CPQ: variants seen among roughly 807,000 people sequenced by gnomAD.
The protein encoded by CPQ is carboxypeptidase Q, also known as Ser-Met dipeptidase.
A neutral mutation model predicts 45.7 loss-of-function variants in CPQ; 37 were observed. The ratio of observed to expected loss-of-function variants is 0.81; its 90% CI spans 0.62 to 1.07. CPQ has a LOEUF of 1.07. Ranked by LOEUF, CPQ falls within the 50% of genes least tolerant of loss-of-function variation. CPQ has a pLI of 0.00. For missense variants in CPQ, 537 were observed against 572.9 expected, an observed-to-expected ratio of 0.94 and a Z score of 0.64; for synonymous variants, 186 against 205.8, an observed-to-expected ratio of 0.90 and a Z score of 0.82.
rs5893403 is a variant in CPQ at position 96,965,372 on chromosome 8, CTTT to C, written c.850-546_850-544del. On this transcript the variant is annotated intron_variant, in intron 4 of 7. Coordinates refer to ENST00000220763, the MANE Select transcript of CPQ (RefSeq NM_016134.4). Reference sequence around the variant, plus strand: ...TGTCAGTAATAAGCCAATTTCTTTTCTTTTTTTTTTTTTTTTTTTGAGATGGAG... The same window carrying C: ...TGTCAGTAATAAGCCAATTTCTTTTCTTTTTTTTTTTTTTTTGAGATGGAG... Among the ~76,000 whole-genome samples, 255 of 80,582 alleles carry C rather than the reference CTTT, an allele frequency of 3.2e-3. 2 individuals carry two copies. The highest frequency in any genetic ancestry group is 0.011 in the African/African-American group (233 of 21,936). 52.9% of individuals were successfully genotyped at this position (80,582 alleles called of 152,430 possible).
At position 96,767,578 on chromosome 8, in the gene CPQ, G is replaced by C. The variant is rs148292156; in HGVS notation, c.-34-17286G>C. 2.9e-3 allele frequency among the ~76,000 whole-genome samples: 397 copies of C among 136,726 alleles called. 4 individuals are homozygous for C. Among genetic ancestry groups the C allele is most frequent in the African/African-American group, 0.01 (373 of 36,378 alleles). The allele number at this position is 136,726 out of a possible 152,430, so 89.7% of individuals were successfully genotyped here. A position where few individuals can be genotyped will look rare whatever the true frequency, so the allele number is the denominator to read the frequency against. ...AATATGATGCTCTTTTTAACAATTA[G>C]TCTTTGGATATAGAAGTTGCTGATG... On this transcript the variant is annotated intron_variant, in intron 1 of 7. Coordinates refer to ENST00000220763, the MANE Select transcript of CPQ (RefSeq NM_016134.4).
chr8:97,098,469 A>C (rs1438869894), intron 7 of CPQ, among the ~76,000 whole-genome samples: 3 of 152,210 alleles, frequency 2.0e-5, no homozygotes, highest in Non-Finnish European at 4.4e-5. Flanking sequence ...TCTCAGCAGA[A>C]GCCCTGCTGG....
intron 3 of CPQ, among the ~76,000 whole-genome samples, chr8:96,856,534 A>C (rs966921075): frequency 6.6e-6 from 1 of 152,214 alleles, no homozygotes; most frequent in Non-Finnish European, 1.5e-5. Flanking sequence ...GAGAGAAGGA[A>C]TCTTGCTTAT....
chr8:96,671,870 A>G (rs1259156524), intron 1 of CPQ, among the ~76,000 whole-genome samples: 3 of 152,148 alleles, frequency 2.0e-5, no homozygotes, highest in Non-Finnish European at 2.9e-5. Flanking sequence ...TTTTGATGAG[A>G]AAATTGAAAA....
intron 4 of CPQ, among the ~76,000 whole-genome samples, chr8:96,945,426 G>T (rs1296623836): frequency 6.6e-6 from 1 of 152,098 alleles, no homozygotes; most frequent in Non-Finnish European, 1.5e-5. Flanking sequence ...ATGTGCTTCA[G>T]GGCTGTCTGT....
intron 5 of CPQ, among the ~76,000 whole-genome samples, chr8:96,970,565 CTT>C (rs34088987): frequency 1.3e-4 from 19 of 142,220 alleles, no homozygotes; most frequent in Admixed American, 1.4e-4. Context: ...GCCCAACACT[CTT>C]TTTTTTTTTT....
chr8:96,730,345 C>A (rs115182111), intron 1 of CPQ, among the ~76,000 whole-genome samples: 1,746 of 152,246 alleles, frequency 0.011, 39 homozygotes, highest in African/African-American at 0.038. Flanking sequence ...TCTTAGTGGT[C>A]TGACATTTTG....
At chr8:96,917,084 G>A (rs2130908317) in intron 4 of CPQ, among the ~76,000 whole-genome samples, 2 of 151,906 alleles carry the variant, frequency 1.3e-5, no homozygotes, top group Middle Eastern at 6.8e-3. Context: ...TACACTGTGT[G>A]TAGCCCACAC....
chr8:97,103,727 A>G (rs766514165), intron 7 of CPQ, among the ~76,000 whole-genome samples: 1 of 152,202 alleles, frequency 6.6e-6, no homozygotes, highest in Admixed American at 6.5e-5. Flanking sequence ...CAGAGAATGG[A>G]AAGAAGCTAA....
Position 96,917,238 on chromosome 8 carries a change from C to G in CPQ, c.849+37233C>G, listed in dbSNP as rs1812745549. 2.0e-5 allele frequency among the ~76,000 whole-genome samples: 3 copies of G among 152,148 alleles called. No individual in the cohort carries two copies. In the South Asian group the frequency reaches 6.2e-4, roughly 32 times the overall value. ...ATATATTATCCATAATTCTTCCACA[C>G]AGGAGATTTATCTATTTTCCTTTTT... On this transcript the variant is annotated intron_variant, in intron 4 of 7. Transcript: ENST00000220763.
At chr8:97,053,946 G>A (rs1810406537) in intron 6 of CPQ, among the ~76,000 whole-genome samples, 1 of 152,000 alleles carries the variant, frequency 6.6e-6, no homozygotes, top group African/African-American at 2.4e-5. Flanking sequence ...GAGAAATAGA[G>A]GAGTCAAGCA....
chr8:96,812,979 A>G (rs1811178882), intron 2 of CPQ, among the ~76,000 whole-genome samples: 1 of 151,990 alleles, frequency 6.6e-6, no homozygotes, highest in Non-Finnish European at 1.5e-5. Context: ...ACTTCTTCCT[A>G]CGATATTGGT....
intron 1 of CPQ, among the ~76,000 whole-genome samples, chr8:96,655,339 T>C (rs927922614): frequency 6.6e-6 from 1 of 152,152 alleles, no homozygotes; most frequent in Non-Finnish European, 1.5e-5. Context: ...TGCTGCTTAA[T>C]TGAGTCTGCT....
chr8:96,830,724 T>G (rs948183216), intron 2 of CPQ, among the ~76,000 whole-genome samples: 3 of 152,132 alleles, frequency 2.0e-5, no homozygotes, highest in Non-Finnish European at 4.4e-5. Flanking sequence ...ATTAAGAGAT[T>G]GGGACCTAGT....
At chr8:97,067,488 TA>T (rs1449262376) in intron 7 of CPQ, among the ~76,000 whole-genome samples, 5 of 152,226 alleles carry the variant, frequency 3.3e-5, no homozygotes, top group Non-Finnish European at 5.9e-5. Flanking sequence ...TCAGAGGTAC[TA>T]AAACAGTGTC....
In CPQ at chr8:96,998,780, G is replaced by C. The variant is rs150565564; in HGVS notation, c.962-30623G>C. Among the ~76,000 whole-genome samples the C allele has an allele frequency of 6.4e-3, 974 of 152,004 alleles. 4 individuals are homozygous for C. The highest frequency in any genetic ancestry group is 0.022 in the African/African-American group (909 of 41,512). ...TAACACTTTCTTCTATGTTGATTTA[G>C]TTATTTGCCTGCTGTAACTTCTCAT... On this transcript the variant is annotated intron_variant, in intron 5 of 7. Transcript: ENST00000220763.
At chr8:96,899,000 CAG>C (rs1812480029) in intron 4 of CPQ, among the ~76,000 whole-genome samples, 1 of 151,946 alleles carries the variant, frequency 6.6e-6, no homozygotes. Flanking sequence ...AAATGTGAAA[CAG>C]AGCATATTGG....
chr8:96,964,306 T>C (rs1368766805), intron 4 of CPQ, among the ~76,000 whole-genome samples: 1 of 151,954 alleles, frequency 6.6e-6, no homozygotes, highest in East Asian at 1.9e-4. Flanking sequence ...TTTTTCCAGG[T>C]GGTTGAATGT....
chr8:96,646,232 C>T (rs1348295233), intron 1 of CPQ, among the ~76,000 whole-genome samples: 1 of 151,830 alleles, frequency 6.6e-6, no homozygotes, highest in East Asian at 1.9e-4. Flanking sequence ...TGGAAACGCC[C>T]CCTGGTATTT....
Sources: gnomAD v4.1 joint callset for allele counts (sites outside exome capture counted in the v4.1 genomes callset) on GRCh38, gnomAD v4.1.1 for gene constraint, MANE v1.5 for transcripts, NCBI Gene and HGNC (gene_info 2026-07-23, HGNC 2026-07-21) for gene names.